The following LRPAP1 variants were observed in gnomAD, a reference collection of about 807,000 sequenced individuals.
The protein encoded by LRPAP1 is LDL receptor related protein associated protein 1, also known as alpha-2-macroglobulin receptor-associated protein.
Under a neutral mutation model 39.9 loss-of-function variants are expected in LRPAP1, and 41 were observed. The observed-to-expected ratio is 1.03, with a 90% CI of 0.80 to 1.33. LRPAP1 has a LOEUF of 1.33. LRPAP1 is among the 40% of genes most tolerant of loss of function. The pLI, the probability that LRPAP1 is intolerant of heterozygous loss-of-function variation, is 0.00. For synonymous variants in LRPAP1, 263 were observed against 212.7 expected, an observed-to-expected ratio of 1.24 and a Z score of -2.06; for missense variants, 565 against 482.3, an observed-to-expected ratio of 1.17 and a Z score of -1.61.
chr4:3,525,867 C>T (rs1730065472), intron 1 of LRPAP1, among the ~76,000 whole-genome samples: 1 of 152,234 alleles, frequency 6.6e-6, no homozygotes, highest in Admixed American at 6.5e-5. Context: ...AAGACTGGGC[C>T]AGAATGCCAG....
At chr4:3,524,096 G>A (rs542629132) in intron 2 of LRPAP1, among the ~76,000 whole-genome samples, 100 of 152,290 alleles carry the variant, frequency 6.6e-4, no homozygotes, top group Admixed American at 6.3e-3. Context: ...CGACTCTCCG[G>A]AGCAGCCCCA....
At chr4:3,521,185 C>G (rs187683127) in intron 2 of LRPAP1, among the ~76,000 whole-genome samples, 2,203 of 152,286 alleles carry the variant, frequency 0.014, 55 homozygotes, top group African/African-American at 0.05. Context: ...CCGCCCTTTC[C>G]TGGGGGCTGG....
At position 3,504,262 on chromosome 4, in the gene LRPAP1, A is replaced by G. The variant is rs9999697; in HGVS notation, c.*8712T>C. The G allele has an allele frequency of 0.13, 19,572 of 152,332 alleles. 1,379 individuals carry two copies. Among genetic ancestry groups the G allele is most frequent in the African/African-American group, 0.15 (6,291 of 41,562 alleles). The allele number at this position is 152,332 out of a possible 1,614,324, so 9.4% of individuals were successfully genotyped here. A position where few individuals can be genotyped will look rare whatever the true frequency, so the allele number is the denominator to read the frequency against. ...TCTCAGAGGCTTAAGAACCCTCTCCAGGAGGATGATCCATATAACAGCTCT... is the reference window on the plus strand; with the variant it reads ...TCTCAGAGGCTTAAGAACCCTCTCCGGGAGGATGATCCATATAACAGCTCT... On this transcript the variant is annotated 3_prime_UTR_variant, in exon 8 of 8. Transcript: ENST00000650182.
chr4:3,518,847 G>A, intron 4 of LRPAP1, 24 bp downstream of exon 4: 1 of 1,493,114 alleles, frequency 6.7e-7, no homozygotes, highest in South Asian at 1.3e-5. Flanking sequence ...GCAGAGGGCA[G>A]GAGGGGGTGG....
At chr4:3,529,419 G>A (rs951124484) in intron 1 of LRPAP1, among the ~76,000 whole-genome samples, 2 of 152,176 alleles carry the variant, frequency 1.3e-5, no homozygotes, top group African/African-American at 2.4e-5. Context: ...AGAGGTACAC[G>A]AGTGTGTCCC....
intron 1 of LRPAP1, 79 bp downstream of exon 1, chr4:3,532,130 C>T (rs531550729): frequency 3.4e-6 from 5 of 1,477,094 alleles, no homozygotes; most frequent in African/African-American, 2.8e-5. Flanking sequence ...CCGCCTCCGA[C>T]CCCTGGGCCC....
At chr4:3,523,161 G>A (rs1729970820) in intron 2 of LRPAP1, among the ~76,000 whole-genome samples, 1 of 152,166 alleles carries the variant, frequency 6.6e-6, no homozygotes, top group African/African-American at 2.4e-5. Context: ...TGGCCTGCAG[G>A]AGGGAGCTGG....
chr4:3,522,314 T>C (rs967678666), intron 2 of LRPAP1, among the ~76,000 whole-genome samples: 3 of 152,198 alleles, frequency 2.0e-5, no homozygotes, highest in African/African-American at 4.8e-5. Context: ...GAGCCCAAAG[T>C]GGCTGGTCAG....
At position 3,514,443 on chromosome 4, in the gene LRPAP1, A is replaced by C. The variant is rs190107789; in HGVS notation, c.1011+309T>G. On this transcript the variant is annotated intron_variant, in intron 7 of 7. Coordinates refer to ENST00000650182, the MANE Select transcript of LRPAP1 (RefSeq NM_002337.4). Reference sequence around the variant, plus strand: ...CAAAGGCTGGAGAGTGCCCTGACTCATGGGCTGGCTGTGGGTATCCAGGTC... The same window carrying C: ...CAAAGGCTGGAGAGTGCCCTGACTCCTGGGCTGGCTGTGGGTATCCAGGTC... Among the ~76,000 whole-genome samples, 652 of 152,252 alleles carry C rather than the reference A, an allele frequency of 4.3e-3. 3 individuals carry two copies. The highest frequency in any genetic ancestry group is 0.015 in the African/African-American group (630 of 41,558).
At chr4:3,524,473 C>T (rs73197144) in intron 2 of LRPAP1, among the ~76,000 whole-genome samples, 9 of 152,352 alleles carry the variant, frequency 5.9e-5, no homozygotes, top group African/African-American at 1.7e-4. Flanking sequence ...GCACCCAGAG[C>T]CCCTGCCTTG....
intron 2 of LRPAP1, among the ~76,000 whole-genome samples, chr4:3,524,104 C>T (rs1730005936): frequency 6.6e-6 from 1 of 152,162 alleles, no homozygotes; most frequent in African/African-American, 2.4e-5. Flanking sequence ...CGGAGCAGCC[C>T]CAACCCCAGT....
chr4:3,524,743 G>A (rs1730026565), intron 2 of LRPAP1, among the ~76,000 whole-genome samples, 164 bp downstream of exon 2: 1 of 152,220 alleles, frequency 6.6e-6, no homozygotes, highest in African/African-American at 2.4e-5. Context: ...TAAGCTTTCT[G>A]GGCACTCAGG....
chr4:3,524,504 A>G (rs1013360652), intron 2 of LRPAP1, among the ~76,000 whole-genome samples: 2 of 152,202 alleles, frequency 1.3e-5, no homozygotes, highest in East Asian at 1.9e-4. Context: ...TGGCGTGCCA[A>G]TGGCATCTGT....
Position 3,525,093 on chromosome 4 carries a change from G to T in LRPAP1, c.205-42C>A, listed in dbSNP as rs767602565. The T allele has an allele frequency of 3.1e-6, 5 of 1,610,480 alleles. No homozygotes were observed. The Admixed American group carries it at 6.7e-5, about 21-fold the overall frequency. On this transcript the variant is annotated intron_variant, in intron 1 of 7. Coordinates refer to ENST00000650182, the MANE Select transcript of LRPAP1 (RefSeq NM_002337.4). ...GGAGCCTGTGAGCCACGAGCAGGACGGACCAGGACACAGCGAGAAACTGAC... is the reference window on the plus strand; with the variant it reads ...GGAGCCTGTGAGCCACGAGCAGGACTGACCAGGACACAGCGAGAAACTGAC...
intron 1 of LRPAP1, among the ~76,000 whole-genome samples, chr4:3,526,652 T>C (rs1400001596): frequency 6.6e-6 from 1 of 152,222 alleles, no homozygotes; most frequent in Non-Finnish European, 1.5e-5. Context: ...CACACGTTTC[T>C]TTCAAGACTC....
In LRPAP1 at chr4:3,504,851, G is replaced by A. The variant is rs897932336; in HGVS notation, c.*8123C>T. Among the ~76,000 whole-genome samples, 1 of 152,146 alleles carries A rather than the reference G, an allele frequency of 6.6e-6. No homozygotes were observed. Among genetic ancestry groups the A allele is most frequent in the African/African-American group, 2.4e-5 (1 of 41,426 alleles). On this transcript the variant is annotated 3_prime_UTR_variant, in exon 8 of 8. Coordinates refer to ENST00000650182, the MANE Select transcript of LRPAP1 (RefSeq NM_002337.4). ...AATCCCAGCTACTTGGGAGGCTGAG[G>A]CAGGGGAATCGCATGAACCTGGGAG...
chr4:3,529,713 G>C (rs1730190671), intron 1 of LRPAP1, among the ~76,000 whole-genome samples: 1 of 152,188 alleles, frequency 6.6e-6, no homozygotes, highest in African/African-American at 2.4e-5. Flanking sequence ...CCTGATGAAA[G>C]CGGGTCTCAG....
intron 6 of LRPAP1, among the ~76,000 whole-genome samples, chr4:3,515,551 G>T (rs1320806534): frequency 6.6e-6 from 1 of 152,176 alleles, no homozygotes; most frequent in Non-Finnish European, 1.5e-5. Flanking sequence ...ACCAGCTATA[G>T]GGACCCTGGG....
At chr4:3,524,268 G>A (rs1008324570) in intron 2 of LRPAP1, among the ~76,000 whole-genome samples, 4 of 152,222 alleles carry the variant, frequency 2.6e-5, no homozygotes, top group Non-Finnish European at 4.4e-5. Flanking sequence ...CCTGTCTTCC[G>A]TATGCTGGTA....
Sources: gnomAD v4.1 joint callset for allele counts (sites outside exome capture counted in the v4.1 genomes callset) on GRCh38, gnomAD v4.1.1 for gene constraint, MANE v1.5 for transcripts, NCBI Gene and HGNC (gene_info 2026-07-23, HGNC 2026-07-21) for gene names.